Variants in XYLT1 observed in about 807,000 individuals in gnomAD.
XYLT1 encodes beta-D-xylosyltransferase 1.
In XYLT1, 36 loss-of-function variants were observed where a neutral mutation model predicts 91.3. That is an observed-to-expected ratio of 0.39 (90% CI 0.30 to 0.52). XYLT1 has a LOEUF of 0.52. Ranked by LOEUF, XYLT1 falls within the 20% of genes least tolerant of loss-of-function variation. The pLI is 0.68. For missense variants in XYLT1, 1,242 were observed against 1,284.5 expected (o/e 0.97, Z 0.51); for synonymous variants, 588 against 532.0 (o/e 1.11, Z -1.45).
rs183354262 is a variant in XYLT1, at chr16:17,468,049, T to C, written c.363+2385A>G. 1.1e-3 allele frequency among the ~76,000 whole-genome samples: 166 copies of C among 152,290 alleles called. 1 individual carries two copies. Among genetic ancestry groups the C allele is most frequent in the African/African-American group, 2.7e-3 (114 of 41,576 alleles). On this transcript the variant is annotated intron_variant, in intron 1 of 11. Transcript: ENST00000261381. ...AAACTGCACATTTCAACGGCCTCTA[T>C]TGCTTGCGAAAAGGTCTGGTCCTCT...
At chr16:17,391,877 G>C (rs573132862) in intron 1 of XYLT1, among the ~76,000 whole-genome samples, 1 of 152,204 alleles carries the variant, frequency 6.6e-6, no homozygotes, top group Non-Finnish European at 1.5e-5. Context: ...CCTTTCACTT[G>C]GCTCTTATTC....
intron 1 of XYLT1, among the ~76,000 whole-genome samples, chr16:17,449,913 G>T (rs1454226547): frequency 6.6e-6 from 1 of 152,176 alleles, no homozygotes; most frequent in African/African-American, 2.4e-5. Flanking sequence ...GATCTTTCAG[G>T]CAATTTCTGA....
At chr16:17,219,892 G>A (rs192655428) in intron 3 of XYLT1, among the ~76,000 whole-genome samples, 3 of 152,184 alleles carry the variant, frequency 2.0e-5, no homozygotes, top group African/African-American at 7.2e-5. Flanking sequence ...TTAGCAGGGC[G>A]TGGTGGTGCA....
At chr16:17,378,229 T>C (rs898766675) in intron 1 of XYLT1, among the ~76,000 whole-genome samples, 2 of 152,126 alleles carry the variant, frequency 1.3e-5, no homozygotes, top group African/African-American at 4.8e-5. Context: ...AGGGACAATA[T>C]GCATGGGTGT....
At chr16:17,293,215 A>G (rs907041392) in intron 2 of XYLT1, among the ~76,000 whole-genome samples, 3 of 152,098 alleles carry the variant, frequency 2.0e-5, no homozygotes, top group African/African-American at 4.8e-5. Context: ...GGAGGGGAGG[A>G]GAGGTGACTG....
intron 1 of XYLT1, among the ~76,000 whole-genome samples, chr16:17,416,110 T>C (rs528791166): frequency 3.9e-5 from 6 of 152,354 alleles, no homozygotes. Flanking sequence ...GCTGTGGCGC[T>C]GTCCTGCACT....
chr16:17,248,924 A>G (rs1482103839), intron 3 of XYLT1, among the ~76,000 whole-genome samples: 1 of 151,708 alleles, frequency 6.6e-6, no homozygotes, highest in Non-Finnish European at 1.5e-5. Flanking sequence ...ATGGGGTTTC[A>G]CTATGTTGGC....
chr16:17,134,360 T>C, intron 9 of XYLT1, 113 bp downstream of exon 9: 14 of 1,384,716 alleles, frequency 1.0e-5, no homozygotes, highest in Non-Finnish European at 1.3e-5. Flanking sequence ...AGAGAAAGCA[T>C]AGGGTGGCAT....
intron 2 of XYLT1, among the ~76,000 whole-genome samples, chr16:17,276,645 A>G (rs1348423283): frequency 6.6e-6 from 1 of 152,214 alleles, no homozygotes; most frequent in African/African-American, 2.4e-5. Flanking sequence ...TCCAATGTCC[A>G]GTTCTCCAAC....
At chr16:17,389,080 C>A (rs1032243987) in intron 1 of XYLT1, among the ~76,000 whole-genome samples, 1 of 152,188 alleles carries the variant, frequency 6.6e-6, no homozygotes, top group Non-Finnish European at 1.5e-5. Flanking sequence ...TTCTTTGCAG[C>A]GAGGCATTTT....
rs575813518 is a variant in XYLT1 at position 17,166,908 on chromosome 16, T to C, written c.1290-7999A>G. Among the ~76,000 whole-genome samples, 12 of 152,262 alleles carry C rather than the reference T, an allele frequency of 7.9e-5. No individual in the cohort carries two copies. The South Asian group carries it at 2.3e-3, about 29-fold the overall frequency. On this transcript the variant is annotated intron_variant, in intron 5 of 11. Coordinates refer to ENST00000261381, the MANE Select transcript of XYLT1 (RefSeq NM_022166.4). Reference sequence around the variant, plus strand: ...TTTGCCCAATGAACTGGGGGGTGATTTGGGGGAAGGAATCCCAGAGTCAGG... The same window carrying C: ...TTTGCCCAATGAACTGGGGGGTGATCTGGGGGAAGGAATCCCAGAGTCAGG...
At chr16:17,163,836 G>T (rs151192482) in intron 5 of XYLT1, among the ~76,000 whole-genome samples, 2,324 of 152,082 alleles carry the variant, frequency 0.015, 18 homozygotes, top group Non-Finnish European at 0.024. Context: ...ATCATTTGAG[G>T]TCAGGAGTTA....
intron 11 of XYLT1, among the ~76,000 whole-genome samples, chr16:17,113,812 G>T (rs1966846960): frequency 6.6e-6 from 1 of 152,218 alleles, no homozygotes; most frequent in African/African-American, 2.4e-5. Context: ...AGGCCCAAAG[G>T]ACAGGGTTCA....
chr16:17,386,514 C>T lies in XYLT1; in HGVS notation c.364-28464G>A, dbSNP rs867124978. 2.6e-5 allele frequency among the ~76,000 whole-genome samples: 4 copies of T among 152,220 alleles called. No individual in the cohort carries two copies. In the South Asian group the frequency reaches 8.3e-4, roughly 32 times the overall value. ...ATGGAGAGGTGGAGGGGCTCAGGAA[C>T]TTGGAACAAAAGCTTTACTACACCC... On this transcript the variant is annotated intron_variant, in intron 1 of 11. Transcript: ENST00000261381.
At chr16:17,178,181 C>T (rs1043971239) in intron 5 of XYLT1, among the ~76,000 whole-genome samples, 2 of 152,094 alleles carry the variant, frequency 1.3e-5, no homozygotes, top group African/African-American at 4.8e-5. Flanking sequence ...CTCGGCCGCC[C>T]CTGGTCAGGC....
At chr16:17,346,632 C>G (rs78650385) in intron 2 of XYLT1, among the ~76,000 whole-genome samples, 14,628 of 152,228 alleles carry the variant, frequency 0.096, 807 homozygotes, top group African/African-American at 0.12. Flanking sequence ...GCCCATGGCA[C>G]AACTTTGAGT....
At chr16:17,125,212 C>T (rs1181592950) in intron 10 of XYLT1, among the ~76,000 whole-genome samples, 1 of 152,178 alleles carries the variant, frequency 6.6e-6, no homozygotes, top group African/African-American at 2.4e-5. Context: ...CAATCCACCT[C>T]CTTCAAAGGC....
chr16:17,299,925 G>A (rs962929131), intron 2 of XYLT1, among the ~76,000 whole-genome samples: 2 of 152,146 alleles, frequency 1.3e-5, no homozygotes, highest in Non-Finnish European at 2.9e-5. Context: ...CACTGACCCC[G>A]GCAGCAGGAA....
chr16:17,385,427 GTC>G (rs2035737275), intron 1 of XYLT1, among the ~76,000 whole-genome samples: 1 of 151,738 alleles, frequency 6.6e-6, no homozygotes, highest in Admixed American at 6.6e-5. Context: ...AAGTAGCCTT[GTC>G]TGATTTGATC....
Sources: allele counts gnomAD v4.1 joint callset (sites outside exome capture counted in the v4.1 genomes callset), GRCh38; gene constraint gnomAD v4.1.1; transcripts MANE v1.5; gene names NCBI Gene and HGNC (gene_info 2026-07-23, HGNC 2026-07-21).